Variants in TLN2 observed in about 807,000 individuals in gnomAD.
TLN2 encodes talin-2.
Under a neutral mutation model 294.7 loss-of-function variants are expected in TLN2, and 118 were observed. The ratio of observed to expected loss-of-function variants is 0.40; its 90% CI spans 0.34 to 0.47. The LOEUF is 0.47. Among genes scored for constraint, TLN2 ranks in the 20% least tolerant of loss-of-function variants. The pLI, the probability that TLN2 is intolerant of heterozygous loss-of-function variation, is 0.84. For missense variants in TLN2, 3,083 were observed against 3,282.2 expected (o/e 0.94, Z 1.48); for synonymous variants, 1,431 against 1,304.5 (o/e 1.10, Z -2.09).
chr15:62,502,812 G>A (rs1168324658), intron 1 of TLN2, among the ~76,000 whole-genome samples: 1 of 152,196 alleles, frequency 6.6e-6, no homozygotes, highest in Non-Finnish European at 1.5e-5. Flanking sequence ...GTGATAGATG[G>A]TCTTGGGCTT....
chr15:62,748,031 A>G (rs985658163), intron 32 of TLN2, among the ~76,000 whole-genome samples: 1 of 152,042 alleles, frequency 6.6e-6, no homozygotes. Flanking sequence ...AGGTAGACAC[A>G]CTGGTGTAAC....
intron 1 of TLN2, among the ~76,000 whole-genome samples, chr15:62,504,872 G>A (rs10048006): frequency 2.9e-4 from 41 of 141,538 alleles, no homozygotes; most frequent in African/African-American, 9.6e-4. Flanking sequence ...AGAGAGAGAG[G>A]GAGACTCTGG....
At chr15:62,601,541 A>G (rs1263013530) in intron 2 of TLN2, among the ~76,000 whole-genome samples, 1 of 152,194 alleles carries the variant, frequency 6.6e-6, no homozygotes. Context: ...ACATATTTTC[A>G]TTGAGAAACA....
intron 28 of TLN2, among the ~76,000 whole-genome samples, chr15:62,727,810 C>G (rs1353387932): frequency 6.6e-6 from 1 of 152,072 alleles, no homozygotes; most frequent in African/African-American, 2.4e-5. Context: ...ATTTTAAAAC[C>G]AAGAGGTTTC....
chr15:62,533,235 CAGAGTG>C, intron 1 of TLN2, among the ~76,000 whole-genome samples: 1 of 116,980 alleles, frequency 8.5e-6, no homozygotes, highest in East Asian at 2.8e-4. Flanking sequence ...GCCTCGGTGA[CAGAGTG>C]AGACTCTGTC....
chr15:62,822,161 C>CT (rs2067626324), intron 54 of TLN2, among the ~76,000 whole-genome samples: 1 of 152,172 alleles, frequency 6.6e-6, no homozygotes, highest in African/African-American at 2.4e-5. Flanking sequence ...TTCCCCGTGT[C>CT]TGGTCGTTCA....
chr15:62,552,131 T>C (rs1462671628), intron 1 of TLN2, among the ~76,000 whole-genome samples: 2 of 152,346 alleles, frequency 1.3e-5, no homozygotes, highest in East Asian at 3.9e-4. Flanking sequence ...GACCCAGTTT[T>C]GACAATCAAC....
intron 1 of TLN2, among the ~76,000 whole-genome samples, chr15:62,477,330 A>G (rs2037832354): frequency 1.3e-5 from 2 of 152,206 alleles, no homozygotes; most frequent in South Asian, 4.1e-4. Flanking sequence ...AAGCTTTTTG[A>G]TGAAAATAAG....
intron 1 of TLN2, among the ~76,000 whole-genome samples, chr15:62,583,695 C>T (rs1001906786): frequency 1.3e-5 from 2 of 152,126 alleles, no homozygotes; most frequent in African/African-American, 4.8e-5. Context: ...TTAAGAACAG[C>T]TTATTTATTC....
intron 1 of TLN2, among the ~76,000 whole-genome samples, chr15:62,578,633 A>G (rs2044644200): frequency 6.6e-6 from 1 of 152,204 alleles, no homozygotes; most frequent in South Asian, 2.1e-4. Context: ...AAAGAAATAC[A>G]GGAAAGGTGT....
At chr15:62,618,128 GT>G (rs147068265) in intron 2 of TLN2, among the ~76,000 whole-genome samples, 4,893 of 152,226 alleles carry the variant, frequency 0.032, 118 homozygotes, top group Middle Eastern at 0.058. Context: ...TATGTGTTTG[GT>G]TTCTTCAATA....
At chr15:62,624,629 G>GTTT in intron 3 of TLN2, among the ~76,000 whole-genome samples, 1 of 12,450 alleles carries the variant, frequency 8.0e-5, no homozygotes, top group African/African-American at 1.9e-4. Flanking sequence ...GTTTTCCTCT[G>GTTT]CTTGTCAGGT....
At chr15:62,720,895 T>C (rs1202733625) in intron 25 of TLN2, among the ~76,000 whole-genome samples, 1 of 152,242 alleles carries the variant, frequency 6.6e-6, no homozygotes, top group Admixed American at 6.5e-5. Context: ...CTTGAATTCC[T>C]AGAGAGAGGA....
At chr15:62,606,093 G>GT (rs1488476716) in intron 2 of TLN2, among the ~76,000 whole-genome samples, 2 of 150,860 alleles carry the variant, frequency 1.3e-5, no homozygotes, top group Admixed American at 6.6e-5. Context: ...TTTTTTTTTT[G>GT]TTTTTTGAGA....
intron 1 of TLN2, among the ~76,000 whole-genome samples, chr15:62,512,289 T>C (rs448458): frequency 0.5 from 75,408 of 151,802 alleles, 20,055 homozygotes; most frequent in African/African-American, 0.7. Flanking sequence ...TCTGACTGAG[T>C]CGGTTGTCTA....
intron 11 of TLN2, among the ~76,000 whole-genome samples, chr15:62,677,043 T>C (rs1255020498): frequency 6.6e-6 from 1 of 152,240 alleles, no homozygotes; most frequent in East Asian, 1.9e-4. Flanking sequence ...GTTCCCAACC[T>C]CTAGCTGTAC....
rs564594505 is a variant in TLN2, at chr15:62,537,114, G to A, written c.-237-52573G>A. Among the ~76,000 whole-genome samples the A allele has an allele frequency of 3.3e-5, 5 of 152,026 alleles. No homozygotes were observed. In the South Asian group the frequency reaches 1.0e-3, roughly 32 times the overall value. On this transcript the variant is annotated intron_variant, in intron 1 of 58. Transcript: ENST00000636159. ...GCTCACTGCAAGCTCCGCCTCCTGG[G>A]TTCATGCCATTCCCCTGCCTCAGCC... is the stretch of plus-strand genomic sequence containing the variant.
At chr15:62,480,970 G>A (rs999711286) in intron 1 of TLN2, among the ~76,000 whole-genome samples, 1 of 152,188 alleles carries the variant, frequency 6.6e-6, no homozygotes, top group Non-Finnish European at 1.5e-5. Context: ...TGACAGGGCA[G>A]TTGGGATGAG....
chr15:62,400,931 T>G (rs1453811111), intron 1 of TLN2, among the ~76,000 whole-genome samples: 1 of 150,858 alleles, frequency 6.6e-6, no homozygotes, highest in East Asian at 2.0e-4. Context: ...TTGTCCTGCC[T>G]TAGCCACCCA....
Sources: allele counts gnomAD v4.1 joint callset (sites outside exome capture counted in the v4.1 genomes callset), GRCh38; gene constraint gnomAD v4.1.1; transcripts MANE v1.5; gene names NCBI Gene and HGNC (gene_info 2026-07-23, HGNC 2026-07-21).